Variants in TTC8 observed in about 807,000 individuals in gnomAD.
TTC8 encodes the protein tetratricopeptide repeat protein 8.
TTC8 carries 47 observed loss-of-function variants against 72.5 expected under a neutral mutation model. The ratio of observed to expected loss-of-function variants is 0.65; its 90% CI spans 0.51 to 0.83. The LOEUF (loss-of-function observed/expected upper bound fraction) is 0.83. TTC8 is among the 40% of genes least tolerant of loss of function. The pLI is 0.00. For synonymous variants in TTC8, 199 were observed against 221.4 expected, an observed-to-expected ratio of 0.90 and a Z score of 0.90; for missense variants, 611 against 623.2, an observed-to-expected ratio of 0.98 and a Z score of 0.21.
At chr14:88,861,388 T>G (rs771311483) in intron 10 of TTC8, 56 bp downstream of exon 10, 27 of 1,325,110 alleles carry the variant, frequency 2.0e-5, no homozygotes, top group Non-Finnish European at 2.6e-5. Context: ...TTACATATTT[T>G]TGTGGTACAT....
rs750842858 is a variant in TTC8 at position 88,872,414 on chromosome 14, C to G, written c.1309C>G (p.Leu437Val). The G allele has an allele frequency of 2.0e-5, 32 of 1,613,940 alleles. No homozygotes were observed. Among genetic ancestry groups the G allele is most frequent in the Admixed American group, 3.3e-5 (2 of 60,002 alleles). ...NNNHAEAYNN[L>V]AVLEMRKGHV... is the part of the protein sequence containing the mutation. ...CAACCACGCCGAGGCCTACAACAAC[C>G]TGGCTGTGCTGGAGATGCGGAAGGG... Residue 437 changes from leucine to valine, a missense_variant, in exon 13 of 15, where the codon CTG becomes GTG. By Grantham distance (32) the Leu-to-Val change is conservative (BLOSUM62 1). Transcript: ENST00000380656.
At chr14:88,837,045 GA>G (rs1036332250) in intron 2 of TTC8, 1 of 274,948 alleles carries the variant, frequency 3.6e-6, no homozygotes, top group African/African-American at 2.3e-5. Flanking sequence ...TGGGCAACAA[GA>G]GCAAAACTCC....
chr14:88,872,597 T>C, intron 13 of TTC8, 145 bp downstream of exon 13: 1 of 1,205,006 alleles, frequency 8.3e-7, no homozygotes, highest in East Asian at 2.6e-5. Flanking sequence ...CTGTTGTGTA[T>C]TAGCTGTGTG....
intron 1 of TTC8, among the ~76,000 whole-genome samples, chr14:88,832,153 A>G (rs1399693573): frequency 6.6e-6 from 1 of 152,104 alleles, no homozygotes; most frequent in Non-Finnish European, 1.5e-5. Flanking sequence ...CACACTCTTC[A>G]TCCACATGAT....
At chr14:88,843,712 C>G in intron 6 of TTC8, 94 bp from the exon 7 acceptor site, 1 of 847,732 alleles carries the variant, frequency 1.2e-6, no homozygotes, top group Non-Finnish European at 1.9e-6. Context: ...TGGATAGGCC[C>G]TTTTATCTAT....
Position 88,841,122 on chromosome 14 carries a change from A to C in TTC8, c.415A>C (p.Ile139Leu), listed in dbSNP as rs766062841. Residue 139 changes from isoleucine to leucine, a missense_variant, in exon 5 of 15, where the codon ATC becomes CTC. Coordinates refer to ENST00000380656, the MANE Select transcript of TTC8 (RefSeq NM_144596.4). ...SGRPGTMEQA[I>L]RTPRTAYTAR... is the part of the protein sequence containing the mutation. The stretch of plus-strand genomic sequence containing the variant: ...AAGGCCAGGCACTATGGAACAGGCT[A>C]TCAGAACACCCAGAACCGCCTACAC... The C allele has an allele frequency of 6.2e-7, 1 of 1,614,150 alleles. No homozygotes were observed. The highest frequency in any genetic ancestry group is 8.5e-7 in the Non-Finnish European group (1 of 1,180,018).
At chr14:88,866,857 C>T (rs1410442286) in intron 10 of TTC8, among the ~76,000 whole-genome samples, 1 of 152,074 alleles carries the variant, frequency 6.6e-6, no homozygotes, top group Non-Finnish European at 1.5e-5. Context: ...CTCCCATACA[C>T]ACAATCGTGG....
intron 7 of TTC8, chr14:88,846,897 A>G: frequency 6.3e-6 from 2 of 316,562 alleles, no homozygotes; most frequent in Non-Finnish European, 1.2e-5. Flanking sequence ...AATACGTAAA[A>G]CAGACAAAAG....
chr14:88,850,734 G>A (rs772570097), intron 7 of TTC8, among the ~76,000 whole-genome samples: 1 of 152,198 alleles, frequency 6.6e-6, no homozygotes, highest in African/African-American at 2.4e-5. Context: ...TTTAGTGCCA[G>A]TGAGGACAGA....
chr14:88,879,521 G>C (rs1480843992), downstream of TTC8: 1 of 151,954 alleles, frequency 6.6e-6, no homozygotes, highest in African/African-American at 2.4e-5. Context: ...ATGTGTCATG[G>C]CTGAGCCAGT....
At position 88,841,052 on chromosome 14, in the gene TTC8, TG is replaced by T; in HGVS notation, c.347del (p.Gly116GlufsTer60). 1 of 1,614,092 alleles carries T rather than the reference TG, an allele frequency of 6.2e-7. No homozygotes were observed. Among genetic ancestry groups the T allele is most frequent in the East Asian group, 2.2e-5 (1 of 44,886 alleles). On this transcript the variant is annotated frameshift_variant, in exon 5 of 15. Transcript: ENST00000380656. LOFTEE classifies it high-confidence loss of function. Reference sequence around the variant, plus strand: ...ATCTTCACAGGCCAATCACACAAGCTGGAAGACCCATTACAGGTTTCCTCAG... The same window carrying T: ...ATCTTCACAGGCCAATCACACAAGCTGAAGACCCATTACAGGTTTCCTCAG... ...SQAVRPITQAGRPITGFLRPS... is the reference protein window; with the variant it reads ...SQAVRPITQAXRPITGFLRPS...
At chr14:88,839,064 C>G (rs920328391) in intron 2 of TTC8, among the ~76,000 whole-genome samples, 5 of 152,120 alleles carry the variant, frequency 3.3e-5, no homozygotes, top group Admixed American at 6.5e-5. Flanking sequence ...TCAGGGAAGG[C>G]TTTATAATAA....
At chr14:88,853,111 A>C in intron 8 of TTC8, 55 bp downstream of exon 8, 1 of 1,316,998 alleles carries the variant, frequency 7.6e-7, no homozygotes, top group Non-Finnish European at 1.1e-6. Context: ...TTAGGGTCTC[A>C]AATCTGATAC....
chr14:88,871,864 C>A lies in TTC8; in HGVS notation c.1224+141C>A. The A allele has an allele frequency of 2.2e-6, 2 of 923,494 alleles. No individual in the cohort carries two copies. The highest frequency in any genetic ancestry group is 1.9e-5 in the Admixed American group (1 of 52,198). 57.2% of individuals were successfully genotyped at this position (923,494 alleles called of 1,614,324 possible). Reference sequence around the variant, plus strand: ...CCCAGGAGTTTGAGACCACCCTGGGCAACATAGTGGGACTCTGTCTCTACA... The same window carrying A: ...CCCAGGAGTTTGAGACCACCCTGGGAAACATAGTGGGACTCTGTCTCTACA... On this transcript the variant is annotated intron_variant, in intron 12 of 14. Coordinates refer to ENST00000380656, the MANE Select transcript of TTC8 (RefSeq NM_144596.4). This position sits in a 1 kb window ranked among gnomAD's most constrained non-coding sequence, Gnocchi z 4.1.
At chr14:88,858,531 T>G (rs2094867744) in intron 9 of TTC8, among the ~76,000 whole-genome samples, 1 of 152,130 alleles carries the variant, frequency 6.6e-6, no homozygotes, top group Non-Finnish European at 1.5e-5. Context: ...TTAATGACTT[T>G]CAAAAATGTT....
At chr14:88,874,997 GT>G (rs762960879) in intron 13 of TTC8, 28 bp from the exon 14 acceptor site, 8 of 1,584,078 alleles carry the variant, frequency 5.1e-6, no homozygotes, top group Non-Finnish European at 6.0e-6. Flanking sequence ...TACGCCTTTG[GT>G]TTTTCTTTTC....
chr14:88,858,598 A>AC (rs375255747), intron 9 of TTC8, among the ~76,000 whole-genome samples: 19 of 147,190 alleles, frequency 1.3e-4, no homozygotes, highest in Non-Finnish European at 2.6e-4. Flanking sequence ...AACTTAAACA[A>AC]TTTTTTTTTT....
chr14:88,875,926 T>A (rs1277704748), intron 14 of TTC8, among the ~76,000 whole-genome samples: 1 of 152,192 alleles, frequency 6.6e-6, no homozygotes, highest in Non-Finnish European at 1.5e-5. Flanking sequence ...TCCTCACTCA[T>A]TTTTTTCATG....
intron 2 of TTC8, among the ~76,000 whole-genome samples, chr14:88,836,434 G>C (rs1299749337): frequency 2.0e-5 from 3 of 151,292 alleles, no homozygotes; most frequent in Admixed American, 2.0e-4. Flanking sequence ...CTGAATTCTG[G>C]AGGTTGAGGC....
Sources: allele counts gnomAD v4.1 joint callset (sites outside exome capture counted in the v4.1 genomes callset), GRCh38; gene constraint gnomAD v4.1.1; non-coding constraint Gnocchi (gnomAD v3.1); transcripts MANE v1.5; gene names NCBI Gene and HGNC (gene_info 2026-07-23, HGNC 2026-07-21).